The following ZDHHC14 variants were observed in gnomAD, a reference collection of about 807,000 sequenced individuals.
ZDHHC14 encodes the protein palmitoyltransferase ZDHHC14.
A neutral mutation model predicts 47.7 loss-of-function variants in ZDHHC14; 16 were observed. That is an observed-to-expected ratio of 0.34 (90% confidence interval 0.23 to 0.51). The LOEUF is 0.51. Among genes scored for constraint, ZDHHC14 ranks in the 20% least tolerant of loss-of-function variants. The probability of loss-of-function intolerance (pLI) is 0.97; values close to 1 mark genes in which losing one functional copy is unlikely to be tolerated. For missense variants in ZDHHC14, 515 were observed against 662.5 expected, an observed-to-expected ratio of 0.78 and a Z score of 2.44; for synonymous variants, 293 against 278.9, an observed-to-expected ratio of 1.05 and a Z score of -0.50.
Position 157,673,145 on chromosome 6 carries a change from G to C in ZDHHC14, c.*23G>C. 1 of 1,545,200 alleles carries C rather than the reference G, an allele frequency of 6.5e-7. No homozygotes were observed. Among genetic ancestry groups the C allele is most frequent in the Non-Finnish European group, 8.6e-7 (1 of 1,156,676 alleles). The stretch of plus-strand genomic sequence containing the variant: ...TGACCCACATGGCCCCAGGCCGGGG[G>C]ACACCAGAGGCTCCTCCATGGGCAG... On this transcript the variant is annotated 3_prime_UTR_variant, in exon 9 of 9. Transcript: ENST00000359775. This position sits in a 1 kb window ranked among gnomAD's most constrained non-coding sequence, Gnocchi z 5.4.
intron 8 of ZDHHC14, among the ~76,000 whole-genome samples, chr6:157,663,724 G>T (rs116454623): frequency 0.02 from 2,974 of 152,180 alleles, 48 homozygotes; most frequent in Non-Finnish European, 0.031. Flanking sequence ...CATGAGGCCC[G>T]ATGCTCTTTC....
intron 8 of ZDHHC14, 74 bp from the exon 9 acceptor site, chr6:157,672,629 ACCCTCCCCGCCCGTGCCCTGT>A: frequency 1.3e-5 from 1 of 79,514 alleles, no homozygotes; most frequent in Non-Finnish European, 2.7e-5. Context: ...CTCGCACCCC[ACCCTCCCCGCCCGTGCCCTGT>A]CCCCATCCCT....
intron 2 of ZDHHC14, among the ~76,000 whole-genome samples, chr6:157,555,312 C>T (rs1028519828): frequency 6.6e-6 from 1 of 152,168 alleles, no homozygotes; most frequent in Non-Finnish European, 1.5e-5. Context: ...GGTTTGTCTG[C>T]GTAATCAGGG....
chr6:157,583,275 T>C (rs377142708), intron 2 of ZDHHC14, among the ~76,000 whole-genome samples: 8 of 152,162 alleles, frequency 5.3e-5, no homozygotes, highest in African/African-American at 1.7e-4. Flanking sequence ...TGCAATTGTT[T>C]GGAAAGAAGA....
chr6:157,616,208 G>A (rs1784957691), intron 3 of ZDHHC14, among the ~76,000 whole-genome samples: 1 of 152,214 alleles, frequency 6.6e-6, no homozygotes. Context: ...CCGGCACAGT[G>A]CAGTGGCCTT....
intron 1 of ZDHHC14, among the ~76,000 whole-genome samples, chr6:157,382,585 C>T (rs2114726322): frequency 6.6e-6 from 1 of 152,238 alleles, no homozygotes; most frequent in Non-Finnish European, 1.5e-5. Context: ...GCGCTCTCTA[C>T]CGAGTTTGGG....
At chr6:157,462,050 A>G (rs1386187874) in intron 1 of ZDHHC14, among the ~76,000 whole-genome samples, 3 of 152,212 alleles carry the variant, frequency 2.0e-5, no homozygotes. Flanking sequence ...TGCAGGGGGC[A>G]TCAGACAACC....
chr6:157,383,450 T>G (rs752493041), intron 1 of ZDHHC14, among the ~76,000 whole-genome samples: 6 of 152,214 alleles, frequency 3.9e-5, no homozygotes, highest in Non-Finnish European at 8.8e-5. Context: ...TGATTAGGAT[T>G]AATAGGCTCT....
chr6:157,642,023 A>AAGATAGGTAGAT (rs372939481), intron 5 of ZDHHC14, among the ~76,000 whole-genome samples: 1 of 146,608 alleles, frequency 6.8e-6, no homozygotes, highest in Non-Finnish European at 1.5e-5. Flanking sequence ...GTATATTTTG[A>AAGATAGGTAGAT]AGATAGATAG....
chr6:157,632,677 A>G (rs1306571297), intron 4 of ZDHHC14, 157 bp from the exon 5 acceptor site: 1 of 731,230 alleles, frequency 1.4e-6, no homozygotes, highest in Non-Finnish European at 2.4e-6. Context: ...CTTTAGTGGC[A>G]TCTCAATCTC....
At chr6:157,574,438 C>T (rs111643903) in intron 2 of ZDHHC14, among the ~76,000 whole-genome samples, 1 of 152,080 alleles carries the variant, frequency 6.6e-6, no homozygotes, top group East Asian at 1.9e-4. Context: ...AACATTGGAG[C>T]ACCCGTGTCA....
chr6:157,544,392 A>T (rs538053982), intron 2 of ZDHHC14, among the ~76,000 whole-genome samples: 109 of 152,298 alleles, frequency 7.2e-4, no homozygotes, highest in Non-Finnish European at 1.2e-3. Context: ...TCATGCCTGT[A>T]ATCCCAGCAC....
At chr6:157,430,121 C>T (rs1487142940) in intron 1 of ZDHHC14, among the ~76,000 whole-genome samples, 1 of 152,158 alleles carries the variant, frequency 6.6e-6, no homozygotes, top group East Asian at 1.9e-4. Context: ...TTGAGACCAT[C>T]CTGGCCAACA....
chr6:157,519,380 GAAA>G (rs5881214), intron 1 of ZDHHC14, among the ~76,000 whole-genome samples: 2 of 148,852 alleles, frequency 1.3e-5, no homozygotes, highest in African/African-American at 2.5e-5. Context: ...GCATTGCCTG[GAAA>G]AAAAAAAAAG....
chr6:157,486,568 C>G (rs1394669580), intron 1 of ZDHHC14, among the ~76,000 whole-genome samples: 3 of 152,042 alleles, frequency 2.0e-5, no homozygotes, highest in Non-Finnish European at 4.4e-5. Context: ...GAGCACCTAC[C>G]AAGTGCTAGG....
chr6:157,457,671 G>A (rs1384686692), intron 1 of ZDHHC14, among the ~76,000 whole-genome samples: 1 of 152,162 alleles, frequency 6.6e-6, no homozygotes, highest in Admixed American at 6.5e-5. Context: ...CCAAAATTAT[G>A]CCTGGGACCA....
chr6:157,627,910 T>C (rs1343327611), intron 3 of ZDHHC14, among the ~76,000 whole-genome samples: 1 of 152,238 alleles, frequency 6.6e-6, no homozygotes, highest in Non-Finnish European at 1.5e-5. Context: ...GTGGCCTCTC[T>C]CTATGGCCAT....
chr6:157,431,340 G>T (rs1396516496), intron 1 of ZDHHC14, among the ~76,000 whole-genome samples: 1 of 152,180 alleles, frequency 6.6e-6, no homozygotes, highest in Non-Finnish European at 1.5e-5. Flanking sequence ...GGAGTTCAGT[G>T]CCAGGCTCCT....
chr6:157,604,556 T>G (rs1305058963), intron 3 of ZDHHC14, among the ~76,000 whole-genome samples: 8 of 74,096 alleles, frequency 1.1e-4, no homozygotes, highest in Non-Finnish European at 1.5e-4. Flanking sequence ...GTTACTCTTT[T>G]TTTTTTTTTG....
Sources: gnomAD v4.1 joint callset for allele counts (sites outside exome capture counted in the v4.1 genomes callset) on GRCh38, gnomAD v4.1.1 for gene constraint, Gnocchi (gnomAD v3.1) non-coding constraint, MANE v1.5 for transcripts, NCBI Gene and HGNC (gene_info 2026-07-23, HGNC 2026-07-21) for gene names.